FYN: variants seen among roughly 807,000 people sequenced by gnomAD.
FYN encodes the protein tyrosine-protein kinase Fyn.
Under a neutral mutation model 70.2 loss-of-function variants are expected in FYN, and 10 were observed. The observed-to-expected ratio is 0.14, with a 90% CI of 0.09 to 0.24. FYN has a LOEUF of 0.24. Among genes scored for constraint, FYN ranks in the 10% least tolerant of loss-of-function variants. The pLI, the probability that FYN is intolerant of heterozygous loss-of-function variation, is 1.00. For synonymous variants in FYN, 236 were observed against 248.6 expected, an observed-to-expected ratio of 0.95 and a Z score of 0.48; for missense variants, 319 against 673.1, an observed-to-expected ratio of 0.47 and a Z score of 5.82.
At chr6:111,870,810 G>A (rs571709388) in intron 1 of FYN, among the ~76,000 whole-genome samples, 3 of 152,268 alleles carry the variant, frequency 2.0e-5, no homozygotes, top group Non-Finnish European at 2.9e-5. Flanking sequence ...AGCAGAGTGT[G>A]CATTTGCTCA....
Position 111,828,743 on chromosome 6 carries a change from G to C in FYN, c.-82+17846C>G, listed in dbSNP as rs1054060191. Reference sequence around the variant, plus strand: ...AAAAGTAGAACGGTGGTTGCCAGGGGCTAGGGGAATGGCAGAATCCGGAGT... The same window carrying C: ...AAAAGTAGAACGGTGGTTGCCAGGGCCTAGGGGAATGGCAGAATCCGGAGT... On this transcript the variant is annotated intron_variant, in intron 2 of 13. Transcript: ENST00000354650. Among the ~76,000 whole-genome samples the C allele has an allele frequency of 5.3e-5, 8 of 152,242 alleles. No individual in the cohort carries two copies. The East Asian group carries it at 1.5e-3, about 29-fold the overall frequency.
chr6:111,721,835 G>A (rs183068715), intron 3 of FYN, among the ~76,000 whole-genome samples: 6 of 152,328 alleles, frequency 3.9e-5, no homozygotes, highest in African/African-American at 1.4e-4. Context: ...ACCCCAACAA[G>A]CCAACAGGGG....
intron 8 of FYN, 97 bp downstream of exon 8, chr6:111,702,788 G>T: frequency 8.3e-7 from 1 of 1,198,282 alleles, no homozygotes; most frequent in Non-Finnish European, 1.2e-6. Context: ...AAGTGATTTT[G>T]TACATATTAG....
intron 1 of FYN, among the ~76,000 whole-genome samples, chr6:111,867,458 G>GT (rs1359978028): frequency 1.4e-5 from 1 of 70,464 alleles, no homozygotes; most frequent in Non-Finnish European, 2.8e-5. Context: ...TCCGTCTCGG[G>GT]AAAAAAAAAA....
chr6:111,673,205 T>C (rs1204772577), intron 13 of FYN, among the ~76,000 whole-genome samples: 1 of 152,190 alleles, frequency 6.6e-6, no homozygotes, highest in Non-Finnish European at 1.5e-5. Context: ...ACCCACGCTG[T>C]GCTCCATCCC....
chr6:111,871,676 C>G (rs919003346), intron 1 of FYN, among the ~76,000 whole-genome samples: 2 of 152,192 alleles, frequency 1.3e-5, no homozygotes, highest in Non-Finnish European at 2.9e-5. Context: ...GATTCAGAAA[C>G]AAAATTCTTG....
intron 12 of FYN, among the ~76,000 whole-genome samples, chr6:111,681,451 G>A (rs371181020): frequency 4.6e-5 from 7 of 152,246 alleles, no homozygotes; most frequent in Admixed American, 1.3e-4. Flanking sequence ...GTGAGCCACC[G>A]TGCCTGACCT....
chr6:111,697,592 T>C (rs538389868), intron 9 of FYN, among the ~76,000 whole-genome samples: 130 of 152,334 alleles, frequency 8.5e-4, no homozygotes, highest in Non-Finnish European at 1.5e-3. Context: ...CATTTAAACT[T>C]CATAAAATAT....
chr6:111,761,605 T>C (rs892758822), intron 3 of FYN, among the ~76,000 whole-genome samples: 22 of 152,198 alleles, frequency 1.4e-4, no homozygotes, highest in African/African-American at 5.3e-4. Context: ...TGGAAGATTC[T>C]AGAGAGGTGG....
chr6:111,861,065 A>C (rs192360294), intron 1 of FYN, among the ~76,000 whole-genome samples: 74 of 152,364 alleles, frequency 4.9e-4, no homozygotes, highest in African/African-American at 1.7e-3. Flanking sequence ...AGGATCCATC[A>C]GTGCAGAGGA....
intron 1 of FYN, among the ~76,000 whole-genome samples, chr6:111,872,000 A>G (rs1265251599): frequency 6.6e-6 from 1 of 152,208 alleles, no homozygotes; most frequent in Non-Finnish European, 1.5e-5. Flanking sequence ...AAGAGAGACA[A>G]GAAGCATCGT....
intron 2 of FYN, among the ~76,000 whole-genome samples, chr6:111,800,239 A>G (rs1222163673): frequency 6.6e-6 from 1 of 152,198 alleles, no homozygotes; most frequent in East Asian, 1.9e-4. Flanking sequence ...TGGAGCTTCC[A>G]TTAATGATCT....
chr6:111,816,830 T>C (rs1772504312), intron 2 of FYN, among the ~76,000 whole-genome samples: 1 of 152,208 alleles, frequency 6.6e-6, no homozygotes, highest in South Asian at 2.1e-4. Flanking sequence ...TTCAAAGACA[T>C]GTTGCAGTAT....
chr6:111,800,293 T>C lies in FYN; in HGVS notation c.-81-19658A>G, dbSNP rs1183596989. ...TGCTTTCAAATTTTCTTTCAAGTAA[T>C]AACACGGTACCCCAGAAGAGCTGAA... On this transcript the variant is annotated intron_variant, in intron 2 of 13. Coordinates refer to ENST00000354650, the MANE Select transcript of FYN (RefSeq NM_002037.5). 3.3e-5 allele frequency among the ~76,000 whole-genome samples: 5 copies of C among 152,206 alleles called. No homozygotes were observed. In the East Asian group the frequency reaches 9.7e-4, roughly 29 times the overall value.
intron 12 of FYN, among the ~76,000 whole-genome samples, chr6:111,685,392 T>C (rs1798956668): frequency 6.6e-6 from 1 of 152,250 alleles, no homozygotes; most frequent in African/African-American, 2.4e-5. Flanking sequence ...TAATAGGATA[T>C]ACAGAAGACA....
intron 3 of FYN, 86 bp downstream of exon 3, chr6:111,780,480 A>T (rs1771133435): frequency 6.6e-6 from 1 of 152,640 alleles, no homozygotes; most frequent in Non-Finnish European, 1.5e-5. Flanking sequence ...GCAGAAGTAA[A>T]AGATGGACAG....
chr6:111,743,130 C>T (rs1206183687), intron 3 of FYN, among the ~76,000 whole-genome samples: 4 of 152,066 alleles, frequency 2.6e-5, no homozygotes, highest in Admixed American at 6.5e-5. Flanking sequence ...CCATGCCTGG[C>T]TAATTTTTGT....
At chr6:111,783,097 T>G (rs911925244) in intron 2 of FYN, among the ~76,000 whole-genome samples, 3 of 152,182 alleles carry the variant, frequency 2.0e-5, no homozygotes, top group African/African-American at 7.2e-5. Flanking sequence ...TTATCAGCCT[T>G]TTTCCTGAAC....
chr6:111,857,822 C>T (rs1300494950), intron 1 of FYN, among the ~76,000 whole-genome samples: 1 of 129,954 alleles, frequency 7.7e-6, no homozygotes, highest in Non-Finnish European at 1.6e-5. Flanking sequence ...TTTCGTTCTC[C>T]TTCTTCTCCC....
Sources: gnomAD v4.1 joint callset for allele counts (sites outside exome capture counted in the v4.1 genomes callset) on GRCh38, gnomAD v4.1.1 for gene constraint, MANE v1.5 for transcripts, NCBI Gene and HGNC (gene_info 2026-07-23, HGNC 2026-07-21) for gene names.